The following ERBB4 variants were observed in gnomAD, a reference collection of about 807,000 sequenced individuals.
ERBB4 encodes the protein receptor tyrosine-protein kinase erbB-4.
In ERBB4, 42 loss-of-function variants were observed where a neutral mutation model predicts 158.0. The observed-to-expected ratio is 0.27, with a 90% CI of 0.21 to 0.34. The LOEUF (loss-of-function observed/expected upper bound fraction) is 0.34, where lower values mean the gene tolerates loss of function less well. ERBB4 is among the 10% of genes least tolerant of loss of function. The pLI, the probability that ERBB4 is intolerant of heterozygous loss-of-function variation, is 1.00. For missense variants in ERBB4, 1,333 were observed against 1,624.1 expected (o/e 0.82, Z 3.08); for synonymous variants, 583 against 558.7 (o/e 1.04, Z -0.61).
chr2:211,861,051 A>T (rs796384310), intron 3 of ERBB4, among the ~76,000 whole-genome samples: 301 of 6,648 alleles, frequency 0.045, 42 homozygotes, highest in African/African-American at 0.14. Context: ...TTATATATTT[A>T]TATATATATA....
intron 19 of ERBB4, among the ~76,000 whole-genome samples, chr2:211,562,891 C>A (rs1260619255): frequency 4.0e-5 from 6 of 150,512 alleles, no homozygotes; most frequent in Non-Finnish European, 8.9e-5. Flanking sequence ...CCTGCCTCAG[C>A]CTCCCAAGTA....
In ERBB4 at chr2:211,379,176, T is replaced by C. The variant is rs2062532147; in HGVS notation, c.*4439A>G. 4.3e-6 allele frequency: 1 copy of C among 230,324 alleles called. No individual in the cohort carries two copies. The highest frequency in any genetic ancestry group is 2.2e-5 in the African/African-American group (1 of 45,278). The allele number at this position is 230,324 out of a possible 1,614,324, so 14.3% of individuals were successfully genotyped here. Reference sequence around the variant, plus strand: ...GGGCATAGTGAGAAAAGAAAGGACATATCACCAATTAACTGTATTTTGTTT... The same window carrying C: ...GGGCATAGTGAGAAAAGAAAGGACACATCACCAATTAACTGTATTTTGTTT... On this transcript the variant is annotated 3_prime_UTR_variant, in exon 28 of 28. Coordinates refer to ENST00000342788, the MANE Select transcript of ERBB4 (RefSeq NM_005235.3).
chr2:212,403,532 A>C (rs1438146288), intron 1 of ERBB4, among the ~76,000 whole-genome samples: 1 of 152,068 alleles, frequency 6.6e-6, no homozygotes, highest in Non-Finnish European at 1.5e-5. Context: ...CATATACATA[A>C]ACTGGAATAT....
intron 1 of ERBB4, among the ~76,000 whole-genome samples, chr2:212,206,963 A>G (rs556877318): frequency 1.9e-4 from 29 of 151,322 alleles, no homozygotes; most frequent in Admixed American, 1.5e-3. Flanking sequence ...AATTTTATGG[A>G]CTGCAATTAA....
At chr2:211,441,195 CTT>C (rs2063966401) in intron 20 of ERBB4, among the ~76,000 whole-genome samples, 1 of 152,128 alleles carries the variant, frequency 6.6e-6, no homozygotes, top group South Asian at 2.1e-4. Flanking sequence ...AATTCCAGGG[CTT>C]TGTTTCCATC....
chr2:211,693,238 AT>A (rs2072887368), intron 12 of ERBB4, among the ~76,000 whole-genome samples: 1 of 152,190 alleles, frequency 6.6e-6, no homozygotes, highest in South Asian at 2.1e-4. Flanking sequence ...TGTCAAAAAA[AT>A]AAAATGAATC....
chr2:211,636,935 G>A (rs759677891), intron 16 of ERBB4, among the ~76,000 whole-genome samples: 2 of 151,832 alleles, frequency 1.3e-5, no homozygotes, highest in East Asian at 3.9e-4. Context: ...ACATTCACAC[G>A]AAAGTGTCTT....
chr2:212,485,232 C>T (rs1183736980), intron 1 of ERBB4, among the ~76,000 whole-genome samples: 1 of 152,134 alleles, frequency 6.6e-6, no homozygotes, highest in Non-Finnish European at 1.5e-5. Context: ...CTATTAGCTC[C>T]ACATCACCTG....
intron 3 of ERBB4, among the ~76,000 whole-genome samples, chr2:211,849,637 G>C (rs2077670048): frequency 6.6e-6 from 1 of 151,794 alleles, no homozygotes; most frequent in South Asian, 2.1e-4. Context: ...ATGTAGAGAA[G>C]CCTACTCATT....
chr2:211,415,266 G>A (rs1045712963), intron 25 of ERBB4, among the ~76,000 whole-genome samples: 5 of 151,858 alleles, frequency 3.3e-5, no homozygotes, highest in African/African-American at 9.7e-5. Context: ...ACAGGCGCCC[G>A]CCACCACGCC....
At chr2:212,079,771 C>T (rs1422527141) in intron 2 of ERBB4, among the ~76,000 whole-genome samples, 1 of 152,022 alleles carries the variant, frequency 6.6e-6, no homozygotes, top group Non-Finnish European at 1.5e-5. Flanking sequence ...CACACATGAA[C>T]ATAACACTTT....
At chr2:212,439,750 A>G (rs867333431) in intron 1 of ERBB4, among the ~76,000 whole-genome samples, 3 of 152,236 alleles carry the variant, frequency 2.0e-5, no homozygotes, top group East Asian at 3.8e-4. Flanking sequence ...AGGTAACATT[A>G]GAATTTATTC....
intron 2 of ERBB4, among the ~76,000 whole-genome samples, chr2:212,089,131 A>G (rs1300105544): frequency 6.6e-6 from 1 of 152,176 alleles, no homozygotes; most frequent in Admixed American, 6.6e-5. Context: ...AAAAGCTAAT[A>G]TAAGACTATA....
At chr2:211,505,485 TACTC>T (rs199938206) in intron 20 of ERBB4, among the ~76,000 whole-genome samples, 10,146 of 148,306 alleles carry the variant, frequency 0.068, 478 homozygotes, top group Middle Eastern at 0.14. Flanking sequence ...GAAAGAATGA[TACTC>T]ACCATCATAA....
intron 20 of ERBB4, among the ~76,000 whole-genome samples, chr2:211,540,562 T>A (rs1559276236): frequency 6.6e-6 from 1 of 151,784 alleles, no homozygotes; most frequent in Non-Finnish European, 1.5e-5. Context: ...TTTTGTTTTT[T>A]GTTTTGTTTT....
At chr2:211,895,246 A>C (rs1485861944) in intron 3 of ERBB4, among the ~76,000 whole-genome samples, 1 of 152,040 alleles carries the variant, frequency 6.6e-6, no homozygotes, top group East Asian at 1.9e-4. Flanking sequence ...ACACTTAGCA[A>C]TGGTCCCCTT....
chr2:212,464,694 A>G (rs1688740745), intron 1 of ERBB4, among the ~76,000 whole-genome samples: 2 of 152,122 alleles, frequency 1.3e-5, no homozygotes, highest in Non-Finnish European at 2.9e-5. Flanking sequence ...TTCTAGAGTG[A>G]AACTTCGAGC....
chr2:212,335,373 G>A (rs1486885479), intron 1 of ERBB4, among the ~76,000 whole-genome samples: 1 of 151,724 alleles, frequency 6.6e-6, no homozygotes, highest in African/African-American at 2.4e-5. Context: ...AAGTAGTAGT[G>A]GGTTACAATA....
intron 3 of ERBB4, among the ~76,000 whole-genome samples, chr2:211,885,604 C>A (rs564350333): frequency 9.9e-5 from 15 of 152,124 alleles, no homozygotes; most frequent in African/African-American, 2.9e-4. Flanking sequence ...TAGAGTCACC[C>A]ACTACCACCA....
Sources: gnomAD v4.1 joint callset for allele counts (sites outside exome capture counted in the v4.1 genomes callset) on GRCh38, gnomAD v4.1.1 for gene constraint, MANE v1.5 for transcripts, NCBI Gene and HGNC (gene_info 2026-07-23, HGNC 2026-07-21) for gene names.